Variants in RFX3 observed in about 807,000 individuals in gnomAD.
RFX3 encodes transcription factor RFX3.
In RFX3, 14 loss-of-function variants were observed where a neutral mutation model predicts 98.6. The ratio of observed to expected loss-of-function variants is 0.14; its 90% CI spans 0.09 to 0.22. RFX3 has a LOEUF of 0.22. Among genes scored for constraint, RFX3 ranks in the 10% least tolerant of loss-of-function variants. The pLI is 1.00. For missense variants in RFX3, 639 were observed against 926.9 expected, an observed-to-expected ratio of 0.69 and a Z score of 4.03; for synonymous variants, 383 against 328.4, an observed-to-expected ratio of 1.17 and a Z score of -1.80.
At chr9:3,249,504 T>A (rs1424243404) in intron 14 of RFX3, among the ~76,000 whole-genome samples, 5 of 152,166 alleles carry the variant, frequency 3.3e-5, no homozygotes, top group Non-Finnish European at 7.4e-5. Flanking sequence ...AATCAACTTA[T>A]GGATGACTAG....
chr9:3,292,736 A>AT (rs111503526), intron 6 of RFX3, among the ~76,000 whole-genome samples: 36,577 of 152,002 alleles, frequency 0.24, 6,703 homozygotes, highest in African/African-American at 0.52. Flanking sequence ...AAGAGAATAC[A>AT]TTTTTATGTG....
intron 3 of RFX3, 84 bp downstream of exon 3, chr9:3,346,583 A>G: frequency 1.2e-6 from 1 of 840,368 alleles, no homozygotes; most frequent in Non-Finnish European, 2.1e-6. Flanking sequence ...CAAGGAAACA[A>G]TCTGGGAATA....
At chr9:3,270,130 A>AG (rs1313973591) in intron 11 of RFX3, among the ~76,000 whole-genome samples, 4 of 107,276 alleles carry the variant, frequency 3.7e-5, no homozygotes, top group Middle Eastern at 4.3e-3. Context: ...AAGAAAGGAA[A>AG]GAAAGAAAGA....
intron 6 of RFX3, among the ~76,000 whole-genome samples, chr9:3,289,608 G>C (rs1045349733): frequency 3.9e-5 from 6 of 152,086 alleles, no homozygotes; most frequent in African/African-American, 1.4e-4. Context: ...TCTCTCTTGT[G>C]AGACCTCAAA....
chr9:3,443,656 C>CGTGTATCTTTAT (rs1845795000), intron 1 of RFX3, among the ~76,000 whole-genome samples: 2 of 152,132 alleles, frequency 1.3e-5, no homozygotes, highest in Non-Finnish European at 2.9e-5. Context: ...AATAGTGCTG[C>CGTGTATCTTTAT]AATAAATATA....
intron 1 of RFX3, among the ~76,000 whole-genome samples, chr9:3,413,709 G>C (rs1369854561): frequency 6.6e-6 from 1 of 152,086 alleles, no homozygotes; most frequent in African/African-American, 2.4e-5. Flanking sequence ...AACACCTTTT[G>C]AGTAGAGACA....
At chr9:3,262,758 A>ACAAACATGGG (rs1445609553) in intron 13 of RFX3, among the ~76,000 whole-genome samples, 177 bp downstream of exon 13, 1 of 152,240 alleles carries the variant, frequency 6.6e-6, no homozygotes, top group East Asian at 1.9e-4. Context: ...TACTTTAACC[A>ACAAACATGGG]CAAACATGGG....
intron 1 of RFX3, among the ~76,000 whole-genome samples, chr9:3,470,076 G>C (rs1848640946): frequency 6.6e-6 from 1 of 152,054 alleles, no homozygotes; most frequent in Non-Finnish European, 1.5e-5. Context: ...ACACATCTCA[G>C]ATCCAAAGAA....
rs140498488 is a variant in RFX3, at chr9:3,273,593, G to C, written c.1086+1907C>G. Among the ~76,000 whole-genome samples, 1,485 of 152,244 alleles carry C rather than the reference G, an allele frequency of 9.8e-3. 10 individuals carry two copies. Among genetic ancestry groups the C allele is most frequent in the Non-Finnish European group, 0.012 (825 of 68,008 alleles). On this transcript the variant is annotated intron_variant, in intron 9 of 16. Coordinates refer to ENST00000617270, the MANE Select transcript of RFX3 (RefSeq NM_001282116.2). ...AAAAATCCATTATAGGGTGGGCACA[G>C]TGGCTCATGCCTGTAATCCCAGCAC...
intron 1 of RFX3, among the ~76,000 whole-genome samples, chr9:3,520,623 T>G (rs1034272738): frequency 2.0e-5 from 3 of 152,172 alleles, no homozygotes; most frequent in African/African-American, 7.2e-5. Context: ...ATAAGCCAAA[T>G]TAAACAATCA....
intron 1 of RFX3, among the ~76,000 whole-genome samples, chr9:3,432,995 A>G (rs926640809): frequency 1.3e-5 from 2 of 152,186 alleles, no homozygotes; most frequent in African/African-American, 4.8e-5. Flanking sequence ...GTGTAAGTTT[A>G]CCAAACCCAT....
intron 2 of RFX3, among the ~76,000 whole-genome samples, chr9:3,350,100 T>TG (rs1834930714): frequency 6.6e-6 from 1 of 152,108 alleles, no homozygotes; most frequent in African/African-American, 2.4e-5. Context: ...GTGTAATTCA[T>TG]GGAACAAATA....
At chr9:3,251,793 T>C (rs1261119679) in intron 14 of RFX3, among the ~76,000 whole-genome samples, 2 of 152,174 alleles carry the variant, frequency 1.3e-5, no homozygotes, top group African/African-American at 2.4e-5. Context: ...AGATACAGAA[T>C]GAGTCTTTCT....
At chr9:3,407,077 A>C (rs1031341386) in intron 1 of RFX3, among the ~76,000 whole-genome samples, 5 of 152,282 alleles carry the variant, frequency 3.3e-5, no homozygotes, top group Admixed American at 6.5e-5. Context: ...CTTTGTTTTT[A>C]TGAGACAGAA....
intron 15 of RFX3, among the ~76,000 whole-genome samples, chr9:3,234,798 C>A (rs1475582144): frequency 6.6e-6 from 1 of 152,204 alleles, no homozygotes; most frequent in Non-Finnish European, 1.5e-5. Context: ...GGAAGACCTG[C>A]TCCAGCTCAT....
intron 1 of RFX3, among the ~76,000 whole-genome samples, chr9:3,515,108 T>C (rs1354716084): frequency 6.6e-6 from 1 of 152,128 alleles, no homozygotes; most frequent in African/African-American, 2.4e-5. Context: ...AAAACATATA[T>C]CCACAAAACC....
chr9:3,268,414 A>G (rs1397281300), intron 11 of RFX3, among the ~76,000 whole-genome samples: 2 of 151,770 alleles, frequency 1.3e-5, no homozygotes, highest in Admixed American at 6.6e-5. Context: ...TTTGGAATTT[A>G]AACTCTATTC....
In RFX3 at chr9:3,377,971, A is replaced by G. The variant is rs143785874; in HGVS notation, c.117+17501T>C. Among the ~76,000 whole-genome samples, 984 of 152,336 alleles carry G rather than the reference A, an allele frequency of 6.5e-3. 8 individuals are homozygous for G. The highest frequency in any genetic ancestry group is 0.014 in the Middle Eastern group (4 of 294). Reference sequence around the variant, plus strand: ...TATATACATGTTCTAGTGTATAAATATAAGTATACACTTTACAAAACATAC... The same window carrying G: ...TATATACATGTTCTAGTGTATAAATGTAAGTATACACTTTACAAAACATAC... On this transcript the variant is annotated intron_variant, in intron 2 of 16. Coordinates refer to ENST00000617270, the MANE Select transcript of RFX3 (RefSeq NM_001282116.2).
chr9:3,231,803 C>T (rs535726358), intron 15 of RFX3, among the ~76,000 whole-genome samples: 6 of 152,186 alleles, frequency 3.9e-5, no homozygotes, highest in South Asian at 4.2e-4. Flanking sequence ...GTGGCTCAAA[C>T]CTATAATCCC....
Sources: gnomAD v4.1 joint callset for allele counts (sites outside exome capture counted in the v4.1 genomes callset) on GRCh38, gnomAD v4.1.1 for gene constraint, MANE v1.5 for transcripts, NCBI Gene and HGNC (gene_info 2026-07-23, HGNC 2026-07-21) for gene names.